EFCAB6: variants seen among roughly 807,000 people sequenced by gnomAD.
EFCAB6 encodes EF-hand calcium-binding domain-containing protein 6.
A neutral mutation model predicts 169.8 loss-of-function variants in EFCAB6; 156 were observed. The ratio of observed to expected loss-of-function variants is 0.92; its 90% CI spans 0.81 to 1.05. The LOEUF (loss-of-function observed/expected upper bound fraction) is 1.05, where lower values mean the gene tolerates loss of function less well. Among genes scored for constraint, EFCAB6 ranks in the 50% least tolerant of loss-of-function variants. The pLI is 0.00. For missense variants in EFCAB6, 1,800 were observed against 1,829.1 expected (o/e 0.98, Z 0.29); for synonymous variants, 698 against 676.4 (o/e 1.03, Z -0.50).
intron 26 of EFCAB6, among the ~76,000 whole-genome samples, chr22:43,562,473 C>G (rs553240153): frequency 1.3e-4 from 19 of 151,598 alleles, no homozygotes; most frequent in African/African-American, 4.6e-4. Context: ...AGGAATCACC[C>G]AACAGGCTGC....
At chr22:43,730,789 A>G (rs896810029) in intron 8 of EFCAB6, among the ~76,000 whole-genome samples, 3 of 152,142 alleles carry the variant, frequency 2.0e-5, no homozygotes, top group African/African-American at 4.8e-5. Flanking sequence ...CGCTTTGCAC[A>G]GCTCCTGGCA....
chr22:43,633,218 C>T (rs531065099), intron 18 of EFCAB6, among the ~76,000 whole-genome samples: 2 of 152,244 alleles, frequency 1.3e-5, no homozygotes, highest in African/African-American at 4.8e-5. Flanking sequence ...CCCTCTCGCT[C>T]CCCTAAAATT....
At chr22:43,559,959 C>T (rs2048930076) in intron 26 of EFCAB6, among the ~76,000 whole-genome samples, 1 of 152,116 alleles carries the variant, frequency 6.6e-6, no homozygotes, top group African/African-American at 2.4e-5. Flanking sequence ...TAGGAAACCA[C>T]CATGGCACAT....
intron 2 of EFCAB6, among the ~76,000 whole-genome samples, chr22:43,794,516 T>C (rs991019353): frequency 1.3e-5 from 2 of 152,208 alleles, no homozygotes; most frequent in African/African-American, 2.4e-5. Flanking sequence ...TGTGAGTGAT[T>C]TGTGTGTATT....
intron 20 of EFCAB6, among the ~76,000 whole-genome samples, chr22:43,621,074 T>C (rs868360933): frequency 1.5e-4 from 23 of 149,566 alleles, no homozygotes; most frequent in African/African-American, 5.2e-4. Flanking sequence ...AAGAACAATA[T>C]TTAAACACTA....
Position 43,554,926 on chromosome 22 carries a change from G to A in EFCAB6, c.3591C>T (p.Ser1197=). 2 of 1,614,170 alleles carry A rather than the reference G, an allele frequency of 1.2e-6. No individual in the cohort carries two copies. The highest frequency in any genetic ancestry group is 1.7e-6 in the Non-Finnish European group (2 of 1,180,026). Residue 1197 remains serine (S), a synonymous_variant, in exon 27 of 32, where the codon TCC becomes TCT. Coordinates refer to ENST00000262726, the MANE Select transcript of EFCAB6 (RefSeq NM_022785.4). ...NFDTMKTNTI[S]REEFRAICNR... is the part of the protein sequence containing the mutation. The stretch of plus-strand genomic sequence containing the variant: ...TACAAATGGCCCTAAACTCCTCTCT[G>A]GAGATGGTGTTCGTTTTCATGGTGT...
In EFCAB6 at chr22:43,537,589, A is replaced by C. The variant is rs767343075; in HGVS notation, c.3880-44T>G. The C allele has an allele frequency of 6.4e-7, 1 of 1,564,588 alleles. No individual in the cohort carries two copies. Among genetic ancestry groups the C allele is most frequent in the Non-Finnish European group, 8.7e-7 (1 of 1,151,928 alleles). Reference sequence around the variant, plus strand: ...AAAGGCTCTTTTCACTTAAGATTTAAAACGGAAGTCATCAAAAATACCTCA... The same window carrying C: ...AAAGGCTCTTTTCACTTAAGATTTACAACGGAAGTCATCAAAAATACCTCA... On this transcript the variant is annotated intron_variant, in intron 28 of 31. Coordinates refer to ENST00000262726, the MANE Select transcript of EFCAB6 (RefSeq NM_022785.4). This position sits in a 1 kb window ranked among gnomAD's most constrained non-coding sequence, Gnocchi z 4.3.
At chr22:43,708,089 T>TAAAA (rs137824) in intron 10 of EFCAB6, among the ~76,000 whole-genome samples, 50 of 115,434 alleles carry the variant, frequency 4.3e-4, no homozygotes, top group Middle Eastern at 0.011. Context: ...TAAAGAAAAC[T>TAAAA]AAAAAAAAAA....
At chr22:43,686,977 C>T (rs376792116) in intron 11 of EFCAB6, among the ~76,000 whole-genome samples, 2 of 151,852 alleles carry the variant, frequency 1.3e-5, no homozygotes, top group Non-Finnish European at 1.5e-5. Flanking sequence ...GATATTAAAA[C>T]GAAAACAGAA....
At chr22:43,627,298 T>C (rs1661558363) in intron 19 of EFCAB6, among the ~76,000 whole-genome samples, 1 of 152,128 alleles carries the variant, frequency 6.6e-6, no homozygotes, top group Non-Finnish European at 1.5e-5. Context: ...AATCCGTGAC[T>C]AGAGACCCTG....
At chr22:43,561,450 G>A (rs1468355626) in intron 26 of EFCAB6, among the ~76,000 whole-genome samples, 1 of 151,852 alleles carries the variant, frequency 6.6e-6, no homozygotes, top group Admixed American at 6.6e-5. Context: ...GCCCCCCTCA[G>A]CCACCACTGT....
intron 17 of EFCAB6, among the ~76,000 whole-genome samples, chr22:43,665,612 T>G (rs2057211674): frequency 6.6e-6 from 1 of 152,152 alleles, no homozygotes; most frequent in Non-Finnish European, 1.5e-5. Flanking sequence ...CGGGCAGGGA[T>G]GGATGGAGTC....
intron 13 of EFCAB6, among the ~76,000 whole-genome samples, chr22:43,673,683 C>T (rs375428797): frequency 5.9e-5 from 9 of 152,092 alleles, no homozygotes; most frequent in Admixed American, 6.5e-5. Flanking sequence ...GGGAGGCTGT[C>T]GCAGGAGAAT....
At chr22:43,641,378 G>A (rs2055786670) in intron 17 of EFCAB6, among the ~76,000 whole-genome samples, 1 of 152,202 alleles carries the variant, frequency 6.6e-6, no homozygotes, top group Non-Finnish European at 1.5e-5. Flanking sequence ...CACTTTGGGA[G>A]GCTGAGGCGG....
intron 27 of EFCAB6, among the ~76,000 whole-genome samples, chr22:43,541,589 C>T (rs76877744): frequency 1.3e-5 from 2 of 149,764 alleles, no homozygotes; most frequent in African/African-American, 4.9e-5. Context: ...TTCTGACCAA[C>T]GAGGAAAAAC....
chr22:43,637,305 C>T (rs1216970530), intron 17 of EFCAB6, among the ~76,000 whole-genome samples: 2 of 152,238 alleles, frequency 1.3e-5, no homozygotes, highest in African/African-American at 2.4e-5. Flanking sequence ...TGGTTCTTGG[C>T]AATAGGGCAC....
chr22:43,695,715 T>C (rs1029548727), intron 10 of EFCAB6, among the ~76,000 whole-genome samples: 3 of 152,092 alleles, frequency 2.0e-5, no homozygotes, highest in Admixed American at 6.6e-5. Flanking sequence ...TGCAAAGTAA[T>C]TCATTGGAGA....
At chr22:43,705,157 T>A (rs1295231159) in intron 10 of EFCAB6, among the ~76,000 whole-genome samples, 2 of 152,022 alleles carry the variant, frequency 1.3e-5, no homozygotes, top group African/African-American at 4.8e-5. Context: ...GATAAAGGGG[T>A]CACTTCATCA....
intron 8 of EFCAB6, among the ~76,000 whole-genome samples, chr22:43,720,050 G>A (rs148394269): frequency 4.9e-4 from 75 of 152,304 alleles, no homozygotes; most frequent in Non-Finnish European, 9.3e-4. Context: ...GTGAGGTGAT[G>A]GAGGTGTTAA....
Sources: gnomAD v4.1 joint callset for allele counts (sites outside exome capture counted in the v4.1 genomes callset) on GRCh38, gnomAD v4.1.1 for gene constraint, Gnocchi (gnomAD v3.1) non-coding constraint, MANE v1.5 for transcripts, NCBI Gene and HGNC (gene_info 2026-07-23, HGNC 2026-07-21) for gene names.